COL10A1: variants seen among roughly 807,000 people sequenced by gnomAD.
The protein encoded by COL10A1 is collagen alpha-1(X) chain.
A neutral mutation model predicts 18.2 loss-of-function variants in COL10A1; 10 were observed. That is an observed-to-expected ratio of 0.55 (90% CI 0.34 to 0.93). COL10A1 has a LOEUF of 0.93. Among genes scored for constraint, COL10A1 ranks in the 40% least tolerant of loss-of-function variants. COL10A1 has a pLI of 0.02. For synonymous variants in COL10A1, 330 were observed against 316.6 expected, an observed-to-expected ratio of 1.04 and a Z score of -0.45; for missense variants, 897 against 853.5, an observed-to-expected ratio of 1.05 and a Z score of -0.64.
intron 1 of COL10A1, among the ~76,000 whole-genome samples, chr6:116,132,474 T>G (rs539709703): frequency 2.0e-5 from 3 of 149,616 alleles, no homozygotes; most frequent in East Asian, 3.9e-4. Context: ...TGCTTATGAG[T>G]TTTTTTTTTC....
At chr6:116,183,182 G>A in the COL10A1 span, among the ~76,000 whole-genome samples, 3 of 152,046 alleles carry the variant, frequency 2.0e-5, no homozygotes, top group Admixed American at 1.3e-4. Flanking sequence ...TCAGTAGGCT[G>A]TAAGTATTTG....
At chr6:116,129,483 A>T (rs1298206872), upstream of COL10A1, among the ~76,000 whole-genome samples, 1 of 152,144 alleles carries the variant, frequency 6.6e-6, no homozygotes. Flanking sequence ...TTATTGTGGG[A>T]ATGGGTTAGT....
At position 116,119,926 on chromosome 6, in the gene COL10A1, A is replaced by T. The variant is rs1056868054; in HGVS notation, c.*147T>A. The T allele has an allele frequency of 8.0e-6, 6 of 752,778 alleles. No homozygotes were observed. Among genetic ancestry groups the T allele is most frequent in the Non-Finnish European group, 1.1e-5 (5 of 445,660 alleles). The allele number at this position is 752,778 out of a possible 1,614,324, so 46.6% of individuals were successfully genotyped here. On this transcript the variant is annotated 3_prime_UTR_variant, in exon 3 of 3. Transcript: ENST00000651968. ...CGTTGCTGCTCACTTTTCAGGGGGA[A>T]GGTTTGTTGGTCTGATAGCTCAAAT... is the stretch of plus-strand genomic sequence containing the variant.
At chr6:116,156,979 A>G (rs545403833) in intron 1 of COL10A1, among the ~76,000 whole-genome samples, 1 of 152,074 alleles carries the variant, frequency 6.6e-6, no homozygotes, top group Admixed American at 6.5e-5. Context: ...CATTTTCCTC[A>G]TCATAGCTTG....
chr6:116,138,423 G>C (rs553334707), intron 1 of COL10A1, among the ~76,000 whole-genome samples: 1 of 152,130 alleles, frequency 6.6e-6, no homozygotes, highest in East Asian at 1.9e-4. Context: ...ATCCCACTAC[G>C]TCTGCTTTCC....
the COL10A1 span, among the ~76,000 whole-genome samples, chr6:116,178,111 G>GTA: frequency 4.8e-4 from 39 of 81,854 alleles, no homozygotes; most frequent in African/African-American, 2.2e-3. Context: ...GCGTGCGTGC[G>GTA]TGTGTGTGTG....
chr6:116,180,393 T>G, the COL10A1 span, among the ~76,000 whole-genome samples: 3 of 152,008 alleles, frequency 2.0e-5, no homozygotes, highest in Non-Finnish European at 4.4e-5. Flanking sequence ...AAAATGAAAA[T>G]GGAATGATAG....
the COL10A1 span, among the ~76,000 whole-genome samples, chr6:116,213,622 C>T: frequency 6.6e-6 from 1 of 152,206 alleles, no homozygotes; most frequent in South Asian, 2.1e-4. Flanking sequence ...CACTTCACAT[C>T]TTCTATAATG....
In COL10A1 at chr6:116,121,050, C is replaced by G. The variant is rs1453913465; in HGVS notation, c.1066G>C (p.Gly356Arg). The change falls in exon 3 of 3, where the codon GGT becomes CGT. Residue 356 changes from glycine (G) to arginine (R), a missense_variant. Transcript: ENST00000651968. The stretch of plus-strand genomic sequence containing the variant: ...GTCTCACCTTTAGGGCCTGGGAGAC[C>G]ATGGCTACCCGGGATGCCTTTTGGT... ...QGPKGIPGSH[G>R]LPGPKGETGP... is the part of the protein sequence containing the mutation. The G allele has an allele frequency of 1.9e-6, 3 of 1,614,094 alleles. No individual in the cohort carries two copies. Among genetic ancestry groups the G allele is most frequent in the Non-Finnish European group, 2.5e-6 (3 of 1,179,966 alleles).
chr6:116,142,717 T>C (rs1273041274), intron 1 of COL10A1, among the ~76,000 whole-genome samples: 1 of 152,194 alleles, frequency 6.6e-6, no homozygotes, highest in African/African-American at 2.4e-5. Context: ...ATAGTGTTCT[T>C]CCAACCTTGA....
the COL10A1 span, among the ~76,000 whole-genome samples, chr6:116,205,123 G>A: frequency 6.6e-6 from 1 of 151,880 alleles, no homozygotes; most frequent in Non-Finnish European, 1.5e-5. Flanking sequence ...TTTCTGGTTA[G>A]GCCGGTAAAA....
Position 116,143,545 on chromosome 6 carries a change from G to T in COL10A1, c.-16+15069C>A, listed in dbSNP as rs181201697. Among the ~76,000 whole-genome samples, 70 of 152,202 alleles carry T rather than the reference G, an allele frequency of 4.6e-4. 1 individual carries two copies. The highest frequency in any genetic ancestry group is 1.7e-3 in the African/African-American group (69 of 41,538). ...CTCTTTAATTGTTTTTGTTCAGGTT[G>T]AATTTGTTCTACTACTTAAAACTTT... On this transcript the variant is annotated intron_variant, in intron 1 of 1. Transcript: ENST00000418500.
upstream of COL10A1, among the ~76,000 whole-genome samples, chr6:116,129,931 C>A (rs1300402003): frequency 1.3e-5 from 2 of 152,156 alleles, no homozygotes; most frequent in Non-Finnish European, 2.9e-5. Context: ...CACTCACACA[C>A]AGATACAGCA....
upstream of COL10A1, among the ~76,000 whole-genome samples, chr6:116,127,104 A>G (rs1779336936): frequency 6.6e-6 from 1 of 152,160 alleles, no homozygotes; most frequent in Admixed American, 6.5e-5. Flanking sequence ...ATGCAGGTGA[A>G]CTGGTTGAGG....
chr6:116,198,577 T>A, the COL10A1 span, among the ~76,000 whole-genome samples: 1 of 151,684 alleles, frequency 6.6e-6, no homozygotes. Context: ...AAAAAAAATT[T>A]AAAAATAGCC....
the COL10A1 span, among the ~76,000 whole-genome samples, chr6:116,179,412 G>C: frequency 6.6e-6 from 1 of 151,766 alleles, no homozygotes; most frequent in African/African-American, 2.4e-5. Flanking sequence ...CTAATATCTA[G>C]AATCTACAAG....
At chr6:116,175,064 G>C in the COL10A1 span, among the ~76,000 whole-genome samples, 2 of 151,898 alleles carry the variant, frequency 1.3e-5, no homozygotes, top group Non-Finnish European at 2.9e-5. Context: ...AAGGAATTAG[G>C]CTTATTAACT....
chr6:116,131,674 CT>C (rs1023777237), intron 1 of COL10A1, among the ~76,000 whole-genome samples: 2 of 151,922 alleles, frequency 1.3e-5, no homozygotes, highest in Admixed American at 6.6e-5. Flanking sequence ...AATACAAATA[CT>C]TTTTTTTAAC....
At chr6:116,186,858 C>A in the COL10A1 span, among the ~76,000 whole-genome samples, 1 of 151,948 alleles carries the variant, frequency 6.6e-6, no homozygotes, top group Non-Finnish European at 1.5e-5. Context: ...CTTCTAAATT[C>A]TTTTTCTGGC....
Sources: allele counts gnomAD v4.1 joint callset (sites outside exome capture counted in the v4.1 genomes callset), GRCh38; gene constraint gnomAD v4.1.1; transcripts MANE v1.5; gene names NCBI Gene and HGNC (gene_info 2026-07-23, HGNC 2026-07-21).